The following PCDH7 variants were observed in gnomAD, a reference collection of about 807,000 sequenced individuals.
PCDH7 encodes the protein protocadherin 7.
Under a neutral mutation model 58.9 loss-of-function variants are expected in PCDH7, and 17 were observed. The observed-to-expected ratio is 0.29, with a 90% confidence interval of 0.20 to 0.43. PCDH7 has a LOEUF of 0.43. Among genes scored for constraint, PCDH7 ranks in the 20% least tolerant of loss-of-function variants. PCDH7 has a pLI of 1.00. For missense variants in PCDH7, 1,274 were observed against 1,441.0 expected (o/e 0.88, Z 1.88); for synonymous variants, 664 against 616.4 (o/e 1.08, Z -1.14).
At chr4:31,103,112 A>G (rs1053114972) in intron 3 of PCDH7, among the ~76,000 whole-genome samples, 4 of 152,234 alleles carry the variant, frequency 2.6e-5, no homozygotes, top group Admixed American at 6.5e-5. Context: ...TAGCTATAAT[A>G]CAGGTCTCCT....
chr4:30,943,105 G>A (rs1746251933), intron 2 of PCDH7, among the ~76,000 whole-genome samples: 1 of 151,838 alleles, frequency 6.6e-6, no homozygotes, highest in South Asian at 2.1e-4. Flanking sequence ...GTAGTTTATT[G>A]GATATTATCA....
intron 3 of PCDH7, among the ~76,000 whole-genome samples, chr4:31,063,013 A>G (rs1318058745): frequency 6.6e-6 from 1 of 151,842 alleles, no homozygotes; most frequent in Non-Finnish European, 1.5e-5. Flanking sequence ...TGTATAATAT[A>G]GTATATGTGC....
chr4:31,009,896 G>A (rs1256494072), intron 3 of PCDH7, among the ~76,000 whole-genome samples: 1 of 151,882 alleles, frequency 6.6e-6, no homozygotes, highest in Non-Finnish European at 1.5e-5. Flanking sequence ...ATTCTTAGGA[G>A]GTAAAACTTT....
rs146441367 is a variant in PCDH7, at chr4:30,913,874, T to G, written c.71-6279T>G. 9.1e-3 allele frequency among the ~76,000 whole-genome samples: 1,383 copies of G among 152,322 alleles called. 26 individuals carry two copies. The highest frequency in any genetic ancestry group is 0.032 in the African/African-American group (1,325 of 41,572). ...AGTGCAAATGCATTTACTGGATATGTCACATAGTACACCCCACAGCAGTCA... is the reference window on the plus strand; with the variant it reads ...AGTGCAAATGCATTTACTGGATATGGCACATAGTACACCCCACAGCAGTCA... On this transcript the variant is annotated intron_variant, in intron 1 of 3. Transcript: ENST00000509759.
At chr4:31,058,309 T>C (rs1422938599) in intron 3 of PCDH7, among the ~76,000 whole-genome samples, 2 of 152,068 alleles carry the variant, frequency 1.3e-5, no homozygotes, top group Non-Finnish European at 2.9e-5. Context: ...ATCCATTCTG[T>C]TTAATAGAGT....
intron 1 of PCDH7, among the ~76,000 whole-genome samples, chr4:30,914,398 A>G (rs1296173153): frequency 6.6e-6 from 1 of 152,218 alleles, no homozygotes; most frequent in Non-Finnish European, 1.5e-5. Context: ...CATAATGGAA[A>G]CAAAAATAGT....
intron 3 of PCDH7, among the ~76,000 whole-genome samples, chr4:31,081,619 A>G (rs569554521): frequency 2.6e-5 from 4 of 152,288 alleles, no homozygotes; most frequent in African/African-American, 9.6e-5. Flanking sequence ...TTTGGCCAAG[A>G]TAGCTGAGAT....
At chr4:30,892,670 A>C (rs563143683) in intron 1 of PCDH7, among the ~76,000 whole-genome samples, 1 of 152,206 alleles carries the variant, frequency 6.6e-6, no homozygotes, top group South Asian at 2.1e-4. Flanking sequence ...GTGAATCATT[A>C]GTAAATTAAG....
intron 3 of PCDH7, among the ~76,000 whole-genome samples, chr4:31,118,663 A>G (rs1717286939): frequency 6.6e-6 from 1 of 152,196 alleles, no homozygotes; most frequent in South Asian, 2.1e-4. Flanking sequence ...TGATGGTACA[A>G]ATGAACAAGA....
At chr4:31,042,941 G>A (rs1756002067) in intron 3 of PCDH7, among the ~76,000 whole-genome samples, 1 of 152,094 alleles carries the variant, frequency 6.6e-6, no homozygotes. Context: ...TGCTGGTGCA[G>A]AGTCCCAAGG....
chr4:30,997,255 A>G (rs1475637742), intron 3 of PCDH7, among the ~76,000 whole-genome samples: 2 of 152,198 alleles, frequency 1.3e-5, no homozygotes, highest in East Asian at 1.9e-4. Flanking sequence ...TTTAAATTCT[A>G]TAAATGGTTA....
chr4:30,955,019 C>G (rs1747705772), intron 3 of PCDH7, among the ~76,000 whole-genome samples: 1 of 152,040 alleles, frequency 6.6e-6, no homozygotes, highest in African/African-American at 2.4e-5. Flanking sequence ...TCATGTATTC[C>G]ATTACCTCTA....
chr4:30,919,704 A>G (rs1019660946), intron 1 of PCDH7, among the ~76,000 whole-genome samples: 19 of 152,222 alleles, frequency 1.2e-4, no homozygotes, highest in Admixed American at 1.2e-3. Context: ...AACCCATTTG[A>G]TTTTATAGCT....
Position 30,802,530 on chromosome 4 carries a change from G to A in PCDH7, c.70+77934G>A, listed in dbSNP as rs115573551. Among the ~76,000 whole-genome samples, 888 of 151,972 alleles carry A rather than the reference G, an allele frequency of 5.8e-3. 5 individuals carry two copies. The highest frequency in any genetic ancestry group is 9.8e-3 in the Non-Finnish European group (668 of 67,980). On this transcript the variant is annotated intron_variant, in intron 1 of 3. Transcript: ENST00000509759. ...GATCCTGTCAGAGGCAGGAAGGAGTGGAATCAAAAAGTCAGATGGACAAAA... is the reference window on the plus strand; with the variant it reads ...GATCCTGTCAGAGGCAGGAAGGAGTAGAATCAAAAAGTCAGATGGACAAAA...
At chr4:30,771,864 TTTTC>T in intron 1 of PCDH7, among the ~76,000 whole-genome samples, 1 of 152,184 alleles carries the variant, frequency 6.6e-6, no homozygotes, top group African/African-American at 2.4e-5. Flanking sequence ...ATAGATAGCC[TTTTC>T]TTTCTTTCTT....
chr4:30,994,468 G>GA (rs1560562874), intron 3 of PCDH7, among the ~76,000 whole-genome samples: 1 of 152,146 alleles, frequency 6.6e-6, no homozygotes, highest in Non-Finnish European at 1.5e-5. Flanking sequence ...ACAAAAATCA[G>GA]AGTCCAAATA....
intron 3 of PCDH7, among the ~76,000 whole-genome samples, chr4:31,087,363 GAA>G (rs748553986): frequency 1.3e-5 from 2 of 152,080 alleles, no homozygotes; most frequent in Non-Finnish European, 2.9e-5. Context: ...AGATTTATAT[GAA>G]AAGGTTGATG....
intron 1 of PCDH7, among the ~76,000 whole-genome samples, chr4:30,837,992 A>T (rs1730727183): frequency 6.6e-6 from 1 of 151,248 alleles, no homozygotes; most frequent in Non-Finnish European, 1.5e-5. Flanking sequence ...GCAATCCACA[A>T]GAGCATGTTA....
rs140391207 is a variant in PCDH7, at chr4:30,755,952, A to G, written c.70+31356A>G. Among the ~76,000 whole-genome samples the G allele has an allele frequency of 8.5e-3, 1,287 of 152,004 alleles. 22 individuals are homozygous for G. The highest frequency in any genetic ancestry group is 0.03 in the African/African-American group (1,229 of 41,450). ...AAATTAGCTGGGTGTGGTGGCGTGC[A>G]CCTGTAGTCCCATCTACTCAGGAGG... is the stretch of plus-strand genomic sequence containing the variant. On this transcript the variant is annotated intron_variant, in intron 1 of 3. Coordinates refer to the PCDH7 transcript ENST00000509759.
Sources: allele counts gnomAD v4.1 joint callset (sites outside exome capture counted in the v4.1 genomes callset), GRCh38; gene constraint gnomAD v4.1.1; transcripts MANE v1.5; gene names NCBI Gene and HGNC (gene_info 2026-07-23, HGNC 2026-07-21).